Variants in CLEC4C observed in about 807,000 individuals in gnomAD.
The protein encoded by CLEC4C is C-type (calcium dependent, carbohydrate-recognition domain) lectin, superfamily member 11.
Under a neutral mutation model 27.7 loss-of-function variants are expected in CLEC4C, and 17 were observed. That is an observed-to-expected ratio of 0.61 (90% CI 0.42 to 0.92). The LOEUF (loss-of-function observed/expected upper bound fraction) is 0.92. Among genes scored for constraint, CLEC4C ranks in the 40% least tolerant of loss-of-function variants. The pLI, the probability that CLEC4C is intolerant of heterozygous loss-of-function variation, is 0.00. For synonymous variants in CLEC4C, 80 were observed against 80.8 expected (o/e 0.99, Z 0.06); for missense variants, 244 against 257.3 (o/e 0.95, Z 0.35).
chr12:7,733,481 C>CT (rs762051121), intron 4 of CLEC4C, among the ~76,000 whole-genome samples: 1,814 of 119,828 alleles, frequency 0.015, 72 homozygotes, highest in African/African-American at 0.046. Flanking sequence ...CCAAGCTGGT[C>CT]TTTTTTTTTT....
chr12:7,742,993 CTTGT>C (rs1185871694), intron 2 of CLEC4C, among the ~76,000 whole-genome samples: 1 of 152,014 alleles, frequency 6.6e-6, no homozygotes, highest in African/African-American at 2.4e-5. Context: ...ATTCATTTAT[CTTGT>C]TTGTTTATAA....
chr12:7,736,675 G>C (rs1291432756), intron 4 of CLEC4C, among the ~76,000 whole-genome samples: 2 of 152,108 alleles, frequency 1.3e-5, no homozygotes. Flanking sequence ...TTGGGAGGCC[G>C]AGACGGGCAG....
In CLEC4C at chr12:7,746,395, C is replaced by T. The variant is rs745627406; in HGVS notation, c.60G>A (p.Lys20=). 12 of 1,613,408 alleles carry T rather than the reference C, an allele frequency of 7.4e-6. No individual in the cohort carries two copies. In the Admixed American group the frequency reaches 1.7e-4, roughly 22 times the overall value. Residue 20 remains lysine (K), a synonymous_variant, in exon 2 of 6, where the codon AAG becomes AAA. Coordinates refer to ENST00000360345, the MANE Select transcript of CLEC4C (RefSeq NM_001371390.1). The part of the protein sequence containing the change: ...REKGLWWFQL[K]VWSMAVVSIL... Reference sequence around the variant, plus strand: ...TGGATACGACTGCCATGGACCAGACCTTCAACTGGAACCACCAGAGTCCTT... The same window carrying T: ...TGGATACGACTGCCATGGACCAGACTTTCAACTGGAACCACCAGAGTCCTT...
chr12:7,739,332 C>T (rs1864801635), intron 3 of CLEC4C, among the ~76,000 whole-genome samples: 1 of 151,964 alleles, frequency 6.6e-6, no homozygotes, highest in Non-Finnish European at 1.5e-5. Flanking sequence ...AGGATAGTCT[C>T]AATCTCTTGA....
intron 3 of CLEC4C, among the ~76,000 whole-genome samples, chr12:7,741,079 C>T (rs780634446): frequency 1.8e-4 from 27 of 152,280 alleles, no homozygotes; most frequent in African/African-American, 4.8e-4. Context: ...CCGCCCGCCT[C>T]GGCCTCCCAA....
At chr12:7,744,487 C>G (rs925639103) in intron 2 of CLEC4C, among the ~76,000 whole-genome samples, 5 of 151,952 alleles carry the variant, frequency 3.3e-5, no homozygotes, top group African/African-American at 1.2e-4. Flanking sequence ...ATTTTGACAC[C>G]CAAATAGTAA....
At chr12:7,742,284 G>A (rs1422590821) in intron 2 of CLEC4C, among the ~76,000 whole-genome samples, 5 of 152,238 alleles carry the variant, frequency 3.3e-5, no homozygotes, top group Admixed American at 2.0e-4. Context: ...AGGCCAAGGC[G>A]GGTGGATCAC....
intron 4 of CLEC4C, among the ~76,000 whole-genome samples, chr12:7,734,980 C>T (rs1216477466): frequency 6.6e-6 from 1 of 151,962 alleles, no homozygotes; most frequent in Non-Finnish European, 1.5e-5. Context: ...GCAGGCTGAT[C>T]ACTTGAGGCC....
chr12:7,742,795 C>T (rs1010801961), intron 2 of CLEC4C, among the ~76,000 whole-genome samples: 8 of 150,304 alleles, frequency 5.3e-5, no homozygotes, highest in African/African-American at 9.8e-5. Flanking sequence ...GGCAACAGAA[C>T]GAGACTCCAT....
Position 7,729,681 on chromosome 12 carries a change from C to T in CLEC4C, c.557G>A (p.Arg186His), listed in dbSNP as rs1193664214. The T allele has an allele frequency of 1.6e-5, 26 of 1,613,220 alleles. No homozygotes were observed. Among genetic ancestry groups the T allele is most frequent in the Middle Eastern group, 1.6e-4 (1 of 6,084 alleles). ...LDERCAIINF[R>H]SSEEWGWNDI... Reference sequence around the variant, plus strand: ...ATTCCAGCCCCATTCTTCTGAAGAACGGAAATTTATTATCGCACAACGCTC... The same window carrying T: ...ATTCCAGCCCCATTCTTCTGAAGAATGGAAATTTATTATCGCACAACGCTC... The change falls in exon 6 of 6, where the codon CGT (arginine) becomes CAT (histidine). Residue 186 changes from arginine to histidine, a missense_variant. Coordinates refer to ENST00000360345, the MANE Select transcript of CLEC4C (RefSeq NM_001371390.1).
chr12:7,735,272 G>A lies in CLEC4C; in HGVS notation c.381+2157C>T, dbSNP rs982216272. Among the ~76,000 whole-genome samples the A allele has an allele frequency of 3.3e-5, 5 of 151,988 alleles. No individual in the cohort carries two copies. In the East Asian group the frequency reaches 9.7e-4, roughly 29 times the overall value. On this transcript the variant is annotated intron_variant, in intron 4 of 5. Coordinates refer to ENST00000360345, the MANE Select transcript of CLEC4C (RefSeq NM_001371390.1). ...AATCCCAGCAATTTGGGAGGCTGGG[G>A]CAGGTAGATCACCTGAGGTCAGGAG...
chr12:7,731,414 G>A (rs925008582), intron 4 of CLEC4C, among the ~76,000 whole-genome samples: 2 of 152,134 alleles, frequency 1.3e-5, no homozygotes, highest in Non-Finnish European at 2.9e-5. Flanking sequence ...AACTCAGCCA[G>A]AAGCTCCTCT....
chr12:7,742,511 GAAAA>G (rs58893714), intron 2 of CLEC4C, among the ~76,000 whole-genome samples: 25 of 118,990 alleles, frequency 2.1e-4, no homozygotes, highest in Admixed American at 3.5e-4. Context: ...ACTTTGTCTC[GAAAA>G]AAAAAAAAAA....
rs777752009 is a variant in CLEC4C, at chr12:7,737,604, A to G, written c.236-30T>C. The G allele has an allele frequency of 2.5e-4, 396 of 1,592,432 alleles. 8 individuals are homozygous for G. In the South Asian group the frequency reaches 4.3e-3, roughly 17 times the overall value. ...CCAAATGAGTATAGAAGAAGAAAAA[A>G]TATTAACAGAGAATTCTCCTCACAT... On this transcript the variant is annotated intron_variant, in intron 3 of 5. Transcript: ENST00000360345.
chr12:7,734,805 C>T (rs1156610241), intron 4 of CLEC4C, among the ~76,000 whole-genome samples: 1 of 151,998 alleles, frequency 6.6e-6, no homozygotes, highest in African/African-American at 2.4e-5. Flanking sequence ...GCCTCAGCCT[C>T]CCAAAGTGCT....
In CLEC4C at chr12:7,729,720, G is replaced by A. The variant is rs1864548541; in HGVS notation, c.518C>T (p.Pro173Leu). ...ENVTFWHSGE[P>L]NNLDERCAII... is the part of the protein sequence containing the mutation. ...CGCACAACGCTCATCAAGGTTATTG[G>A]GTTCACCTGAGTGCCAGAATCTGAA... Residue 173 changes from proline (P) to leucine (L), a missense_variant, in exon 6 of 6, where the codon CCC becomes CTC. By Grantham distance (98) the Pro-to-Leu change is moderately conservative. Transcript: ENST00000360345. 6.2e-7 allele frequency: 1 copy of A among 1,613,830 alleles called. No homozygotes were observed. The highest frequency in any genetic ancestry group is 8.5e-7 in the Non-Finnish European group (1 of 1,179,880).
At chr12:7,734,400 C>T (rs1418352091) in intron 4 of CLEC4C, among the ~76,000 whole-genome samples, 1 of 152,092 alleles carries the variant, frequency 6.6e-6, no homozygotes, top group Non-Finnish European at 1.5e-5. Context: ...AATCAGACCT[C>T]ATATAGATTA....
chr12:7,737,661 T>G (rs201609171), intron 3 of CLEC4C, 87 bp from the exon 4 acceptor site: 263 of 1,330,302 alleles, frequency 2.0e-4, no homozygotes, highest in Non-Finnish European at 2.1e-4. Flanking sequence ...TAAGGTTTAA[T>G]TAGTTTTCAC....
At chr12:7,749,048 GCTGGACACACAACACCCGACA>G (rs1235780083), upstream of CLEC4C, 1 of 152,226 alleles carries the variant, frequency 6.6e-6, no homozygotes, top group Non-Finnish European at 1.5e-5. Context: ...GTTATGGGTG[GCTGGACACACAACACCCGACA>G]CTGGACAGAT....
Sources: allele counts gnomAD v4.1 joint callset (sites outside exome capture counted in the v4.1 genomes callset), GRCh38; gene constraint gnomAD v4.1.1; transcripts MANE v1.5; gene names NCBI Gene and HGNC (gene_info 2026-07-23, HGNC 2026-07-21).